ZNF292: variants seen among roughly 807,000 people sequenced by gnomAD.
ZNF292 encodes the protein zinc finger protein 292.
In ZNF292, 26 loss-of-function variants were observed where a neutral mutation model predicts 217.9. That is an observed-to-expected ratio of 0.12 (90% CI 0.09 to 0.17). The LOEUF (loss-of-function observed/expected upper bound fraction) is 0.17. Ranked by LOEUF, ZNF292 falls within the 10% of genes least tolerant of loss-of-function variation. ZNF292 has a pLI of 1.00. For missense variants in ZNF292, 2,904 were observed against 3,175.2 expected, an observed-to-expected ratio of 0.91 and a Z score of 2.05; for synonymous variants, 1,257 against 1,124.1, an observed-to-expected ratio of 1.12 and a Z score of -2.37.
At chr6:87,158,082 C>T (rs755408703) in intron 1 of ZNF292, among the ~76,000 whole-genome samples, 5 of 152,178 alleles carry the variant, frequency 3.3e-5, no homozygotes, top group Non-Finnish European at 7.3e-5. Context: ...ATATCAGTTT[C>T]ATTAAGTGAT....
At chr6:87,216,418 A>G (rs1457323061) in intron 3 of ZNF292, 41 bp downstream of exon 3, 1 of 1,419,266 alleles carries the variant, frequency 7.0e-7, no homozygotes. Context: ...GGTATATCTT[A>G]TGTCAGTTTT....
At chr6:87,160,159 C>T (rs1045974504) in intron 1 of ZNF292, among the ~76,000 whole-genome samples, 3 of 152,044 alleles carry the variant, frequency 2.0e-5, no homozygotes, top group Non-Finnish European at 2.9e-5. Flanking sequence ...GACAGATAAT[C>T]GTAGTAAACT....
chr6:87,224,903 A>G (rs1325411694), intron 4 of ZNF292, among the ~76,000 whole-genome samples: 1 of 152,138 alleles, frequency 6.6e-6, no homozygotes, highest in Non-Finnish European at 1.5e-5. Flanking sequence ...TATGATGGCT[A>G]TGTCATATGG....
chr6:87,222,702 GTTA>G, intron 4 of ZNF292: 1 of 413,252 alleles, frequency 2.4e-6, no homozygotes. Context: ...TTTATACTTT[GTTA>G]TTAATTAATC....
chr6:87,255,430 G>A lies in ZNF292; in HGVS notation c.1801G>A (p.Ala601Thr). The change falls in exon 8 of 8, where the codon GCA (alanine) becomes ACA (threonine). Residue 601 changes from alanine (A) to threonine (T), a missense_variant. By Grantham distance (58) the Ala-to-Thr change is moderately conservative. Coordinates refer to ENST00000369577, the MANE Select transcript of ZNF292 (RefSeq NM_015021.3). ...HVKQSSKERL[A>T]AMKPLRRLGR... ...TAAACAATCTAGTAAAGAGAGACTA[G>A]CAGCTATGAAACCATTAAGAAGATT... 1 of 1,613,706 alleles carries A rather than the reference G, an allele frequency of 6.2e-7. No individual in the cohort carries two copies. The highest frequency in any genetic ancestry group is 1.1e-5 in the South Asian group (1 of 91,052).
At position 87,259,736 on chromosome 6, in the gene ZNF292, TAGC is replaced by T; in HGVS notation, c.6110_6112del (p.Ala2037del). The T allele has an allele frequency of 1.2e-6, 2 of 1,603,770 alleles. No homozygotes were observed. Among genetic ancestry groups the T allele is most frequent in the Non-Finnish European group, 1.7e-6 (2 of 1,174,946 alleles). On this transcript the variant is annotated inframe_deletion, in exon 8 of 8. Transcript: ENST00000369577. ...GAGACCCAAAATACCCACAGTAATG[TAGC>T]AGTGATCCCAGAAAAACAACTTGTA...
In ZNF292 at chr6:87,157,937, G is replaced by A. The variant is rs534786083; in HGVS notation, c.168+2178G>A. Among the ~76,000 whole-genome samples the A allele has an allele frequency of 3.3e-5, 5 of 152,252 alleles. No homozygotes were observed. In the South Asian group the frequency reaches 8.3e-4, roughly 25 times the overall value. The stretch of plus-strand genomic sequence containing the variant: ...GGTCTCGAACTGCTGGTCTCGAACT[G>A]CTGACCTCAAGTGATCCACCCACCT... On this transcript the variant is annotated intron_variant, in intron 1 of 7. Coordinates refer to ENST00000369577, the MANE Select transcript of ZNF292 (RefSeq NM_015021.3).
At chr6:87,170,793 GTT>G (rs1236538973) in intron 1 of ZNF292, among the ~76,000 whole-genome samples, 1 of 152,120 alleles carries the variant, frequency 6.6e-6, no homozygotes, top group Non-Finnish European at 1.5e-5. Flanking sequence ...AAGGATGTTG[GTT>G]TTTTCACATA....
Position 87,263,078 on chromosome 6 carries a change from A to G in ZNF292, c.*1277A>G, listed in dbSNP as rs1187403572. 1 of 151,994 alleles carries G rather than the reference A, an allele frequency of 6.6e-6. No individual in the cohort carries two copies. The highest frequency in any genetic ancestry group is 2.4e-5 in the African/African-American group (1 of 41,418). The allele number at this position is 151,994 out of a possible 1,614,324, so 9.4% of individuals were successfully genotyped here. The stretch of plus-strand genomic sequence containing the variant: ...TTTTTCATTAGATTGGTCTTCAAGA[A>G]CAGTATTAGTTATAATTATTTTGGT... On this transcript the variant is annotated 3_prime_UTR_variant, in exon 8 of 8. Transcript: ENST00000369577.
intron 1 of ZNF292, among the ~76,000 whole-genome samples, chr6:87,205,190 A>T (rs1489270669): frequency 6.6e-6 from 1 of 152,050 alleles, no homozygotes; most frequent in Non-Finnish European, 1.5e-5. Context: ...CTCCAGCTTT[A>T]GCCTCCCAAG....
At chr6:87,181,131 A>G (rs186915933) in intron 1 of ZNF292, among the ~76,000 whole-genome samples, 22 of 152,260 alleles carry the variant, frequency 1.4e-4, no homozygotes, top group African/African-American at 5.1e-4. Flanking sequence ...AATCAGCTCA[A>G]TGGACCCTCT....
chr6:87,173,546 A>C (rs1428022815), intron 1 of ZNF292: 2 of 155,858 alleles, frequency 1.3e-5, no homozygotes, highest in Admixed American at 6.5e-5. Context: ...ATCTTCCCAG[A>C]GGCTATTCAC....
intron 1 of ZNF292, among the ~76,000 whole-genome samples, chr6:87,206,311 A>G (rs1772251309): frequency 6.7e-6 from 1 of 150,332 alleles, no homozygotes; most frequent in Non-Finnish European, 1.5e-5. Context: ...TGAAGAATTC[A>G]ATCTACCACA....
intron 1 of ZNF292, among the ~76,000 whole-genome samples, chr6:87,190,942 T>C (rs1771803957): frequency 6.6e-6 from 1 of 152,192 alleles, no homozygotes; most frequent in African/African-American, 2.4e-5. Context: ...GTTCCACTCT[T>C]CAGAGGTAGC....
At chr6:87,239,727 G>C (rs1334673401) in intron 5 of ZNF292, among the ~76,000 whole-genome samples, 1 of 143,052 alleles carries the variant, frequency 7.0e-6, no homozygotes, top group African/African-American at 2.7e-5. Flanking sequence ...TCGCGGCTGG[G>C]CAGAGGCGCT....
intron 5 of ZNF292, among the ~76,000 whole-genome samples, chr6:87,235,488 AACTG>A (rs770728040): frequency 6.4e-4 from 98 of 152,208 alleles, no homozygotes; most frequent in South Asian, 1.2e-3. Context: ...CCTGTTAGGA[AACTG>A]ACTATCTAAG....
chr6:87,171,539 C>T (rs1478946683), intron 1 of ZNF292, among the ~76,000 whole-genome samples: 1 of 151,898 alleles, frequency 6.6e-6, no homozygotes, highest in African/African-American at 2.4e-5. Context: ...TAATTGTTAG[C>T]TATTAATACT....
At chr6:87,203,888 T>C (rs1045059228) in intron 1 of ZNF292, among the ~76,000 whole-genome samples, 1 of 152,064 alleles carries the variant, frequency 6.6e-6, no homozygotes, top group Non-Finnish European at 1.5e-5. Context: ...AAGGGACAAC[T>C]ACCTAGAGAG....
At chr6:87,233,810 A>G (rs575652480) in intron 5 of ZNF292, among the ~76,000 whole-genome samples, 7 of 152,294 alleles carry the variant, frequency 4.6e-5, no homozygotes, top group South Asian at 2.1e-4. Flanking sequence ...TAAAATATCT[A>G]TATTTGTCAG....
Sources: allele counts gnomAD v4.1 joint callset (sites outside exome capture counted in the v4.1 genomes callset), GRCh38; gene constraint gnomAD v4.1.1; transcripts MANE v1.5; gene names NCBI Gene and HGNC (gene_info 2026-07-23, HGNC 2026-07-21).